MCC: variants seen among roughly 807,000 people sequenced by gnomAD.
The protein encoded by MCC is MCC regulator of Wnt signaling pathway, also known as colorectal mutant cancer protein.
MCC carries 90 observed loss-of-function variants against 116.2 expected under a neutral mutation model. The ratio of observed to expected loss-of-function variants is 0.77; its 90% CI spans 0.65 to 0.92. The LOEUF is 0.92. MCC is among the 40% of genes least tolerant of loss of function. The probability of loss-of-function intolerance (pLI) is 0.00; values close to 1 mark genes in which losing one functional copy is unlikely to be tolerated. For synonymous variants in MCC, 578 were observed against 510.5 expected (o/e 1.13, Z -1.78); for missense variants, 1,516 against 1,312.2 (o/e 1.16, Z -2.40).
At chr5:113,471,292 C>T (rs1296833515) in intron 1 of MCC, among the ~76,000 whole-genome samples, 1 of 152,086 alleles carries the variant, frequency 6.6e-6, no homozygotes. Flanking sequence ...TGTTTTTTTC[C>T]CATCTTTGTC....
chr5:113,395,736 T>C (rs1769511621), intron 1 of MCC, among the ~76,000 whole-genome samples: 1 of 152,236 alleles, frequency 6.6e-6, no homozygotes, highest in Non-Finnish European at 1.5e-5. Flanking sequence ...GGTTTATATA[T>C]GCTGAGCTCC....
At chr5:113,145,824 G>A (rs775868818) in intron 4 of MCC, among the ~76,000 whole-genome samples, 3 of 149,094 alleles carry the variant, frequency 2.0e-5, no homozygotes, top group Non-Finnish European at 4.4e-5. Flanking sequence ...CTGTGGGGCT[G>A]CCCAGGATAC....
intron 3 of MCC, among the ~76,000 whole-genome samples, chr5:113,199,547 T>C (rs1349551786): frequency 6.6e-6 from 1 of 152,144 alleles, no homozygotes; most frequent in African/African-American, 2.4e-5. Context: ...AAAAGGATTA[T>C]CTAAAAAGAG....
chr5:113,411,633 T>A (rs954814090), intron 1 of MCC, among the ~76,000 whole-genome samples: 2 of 152,170 alleles, frequency 1.3e-5, no homozygotes, highest in African/African-American at 2.4e-5. Context: ...CAGAGATTTT[T>A]ACACTTTAAT....
intron 8 of MCC, among the ~76,000 whole-genome samples, chr5:113,096,098 T>C (rs1482182966): frequency 6.6e-6 from 1 of 152,290 alleles, no homozygotes; most frequent in Non-Finnish European, 1.5e-5. Context: ...AGGCTCCACA[T>C]AGCAGGCAGC....
chr5:113,080,203 T>C (rs1220354849), intron 11 of MCC, among the ~76,000 whole-genome samples: 1 of 152,236 alleles, frequency 6.6e-6, no homozygotes, highest in Non-Finnish European at 1.5e-5. Context: ...ACACTGTTGG[T>C]GGGACTGTAA....
intron 8 of MCC, among the ~76,000 whole-genome samples, chr5:113,096,064 C>G (rs1454590556): frequency 6.6e-6 from 1 of 152,144 alleles, no homozygotes; most frequent in East Asian, 1.9e-4. Flanking sequence ...CTCAGATGAC[C>G]CTGGTGAAGG....
At chr5:113,130,491 A>C (rs928816353) in intron 5 of MCC, among the ~76,000 whole-genome samples, 1 of 152,148 alleles carries the variant, frequency 6.6e-6, no homozygotes, top group Non-Finnish European at 1.5e-5. Context: ...AAAATGAAAA[A>C]AAGGCAATAT....
chr5:113,346,621 C>T (rs945847574), intron 2 of MCC, among the ~76,000 whole-genome samples: 8 of 132,766 alleles, frequency 6.0e-5, no homozygotes, highest in African/African-American at 2.2e-4. Context: ...CAAACAACAA[C>T]AACAACAACA....
At chr5:113,089,916 C>G (rs553909168) in intron 8 of MCC, among the ~76,000 whole-genome samples, 11 of 152,094 alleles carry the variant, frequency 7.2e-5, no homozygotes, top group Non-Finnish European at 1.6e-4. Flanking sequence ...AAGAAATGAC[C>G]AGAGCTGACA....
At chr5:113,282,721 C>T (rs953137496) in intron 3 of MCC, among the ~76,000 whole-genome samples, 2 of 152,134 alleles carry the variant, frequency 1.3e-5, no homozygotes, top group Non-Finnish European at 2.9e-5. Context: ...TCCCATATGG[C>T]GCTTACTCTT....
At chr5:113,136,756 G>A (rs931714963) in intron 5 of MCC, among the ~76,000 whole-genome samples, 5 of 152,104 alleles carry the variant, frequency 3.3e-5, no homozygotes, top group African/African-American at 1.2e-4. Context: ...GTATTTAGGG[G>A]TTTCTATATA....
intron 3 of MCC, chr5:113,269,192 G>GC (rs1765521862): frequency 1.0e-6 from 1 of 985,284 alleles, no homozygotes; most frequent in Non-Finnish European, 1.2e-6. Flanking sequence ...ACACCAGCAG[G>GC]CAAGTTCCCT....
intron 3 of MCC, among the ~76,000 whole-genome samples, chr5:113,237,369 G>T (rs926495273): frequency 2.0e-5 from 3 of 152,140 alleles, no homozygotes; most frequent in African/African-American, 7.2e-5. Flanking sequence ...AATATGACTT[G>T]GTTATTTTCA....
At chr5:113,407,231 G>A (rs1223974779) in intron 1 of MCC, among the ~76,000 whole-genome samples, 1 of 152,156 alleles carries the variant, frequency 6.6e-6, no homozygotes, top group East Asian at 1.9e-4. Flanking sequence ...TAAAGCAGTT[G>A]AGCTGAGACT....
intron 3 of MCC, among the ~76,000 whole-genome samples, chr5:113,241,185 A>G (rs764973187): frequency 7.2e-5 from 11 of 152,272 alleles, no homozygotes; most frequent in Non-Finnish European, 1.2e-4. Context: ...TCTTAGGAGT[A>G]TAACGTAGGC....
chr5:113,215,630 C>T (rs1044161252), intron 3 of MCC, among the ~76,000 whole-genome samples: 2 of 152,156 alleles, frequency 1.3e-5, no homozygotes, highest in African/African-American at 4.8e-5. Context: ...ACACAGTGTT[C>T]TTCCCCTCCA....
chr5:113,454,266 G>A (rs1771480128), intron 1 of MCC, among the ~76,000 whole-genome samples: 1 of 152,088 alleles, frequency 6.6e-6, no homozygotes, highest in Admixed American at 6.6e-5. Flanking sequence ...CACCACATCT[G>A]GCTAATTTTT....
At chr5:113,270,449 G>A (rs978006147) in intron 3 of MCC, among the ~76,000 whole-genome samples, 1 of 151,178 alleles carries the variant, frequency 6.6e-6, no homozygotes, top group African/African-American at 2.4e-5. Flanking sequence ...AAGTTTTTAG[G>A]AAAAAAGAGA....
Sources: allele counts gnomAD v4.1 joint callset (sites outside exome capture counted in the v4.1 genomes callset), GRCh38; gene constraint gnomAD v4.1.1; transcripts MANE v1.5; gene names NCBI Gene and HGNC (gene_info 2026-07-23, HGNC 2026-07-21).